ATR: variants seen among roughly 807,000 people sequenced by gnomAD.
ATR encodes ATR checkpoint kinase.
In ATR, 142 loss-of-function variants were observed where a neutral mutation model predicts 305.3. The ratio of observed to expected loss-of-function variants is 0.47; its 90% CI spans 0.41 to 0.53. The LOEUF (loss-of-function observed/expected upper bound fraction) is 0.53. ATR is among the 20% of genes least tolerant of loss of function. The pLI, the probability that ATR is intolerant of heterozygous loss-of-function variation, is 0.00. For missense variants in ATR, 2,135 were observed against 3,133.1 expected (o/e 0.68, Z 7.60); for synonymous variants, 1,050 against 1,068.1 (o/e 0.98, Z 0.33).
At chr3:142,573,871 T>C (rs1457719746) in intron 1 of ATR, among the ~76,000 whole-genome samples, 5 of 152,306 alleles carry the variant, frequency 3.3e-5, no homozygotes, top group Non-Finnish European at 4.4e-5. Context: ...GTGGCTACCA[T>C]AGTATAGGGC....
At position 142,549,508 on chromosome 3, in the gene ATR, C is replaced by A. The variant is rs772258541; in HGVS notation, c.3142G>T (p.Glu1048Ter). ...AGATAATGAAGGGCACGTTCTAATT[C>A]ATCTTTGGAACAAGAACAGACCAAA... ...SHLVCSCSKD[E>*]LERALHYLKN... Residue 1048 changes from glutamate to a stop codon, truncating the protein, a stop_gained, in exon 15 of 47, where the codon GAA becomes TAA. Coordinates refer to ENST00000350721, the MANE Select transcript of ATR (RefSeq NM_001184.4). LOFTEE classifies it high-confidence loss of function. 1 of 1,603,974 alleles carries A rather than the reference C, an allele frequency of 6.2e-7. No homozygotes were observed.
intron 29 of ATR, among the ~76,000 whole-genome samples, chr3:142,504,616 C>T (rs1385398819): frequency 1.3e-5 from 2 of 151,904 alleles, no homozygotes; most frequent in Non-Finnish European, 2.9e-5. Flanking sequence ...GCGCTCGCCA[C>T]CACACCCAGC....
At chr3:142,481,323 T>A (rs1393953987) in intron 36 of ATR, among the ~76,000 whole-genome samples, 1 of 152,262 alleles carries the variant, frequency 6.6e-6, no homozygotes, top group Non-Finnish European at 1.5e-5. Context: ...ATGGTTTTTG[T>A]CCTTCATTCT....
intron 41 of ATR, 109 bp downstream of exon 41, chr3:142,464,988 A>T (rs2071095296): frequency 1.6e-6 from 1 of 620,224 alleles, no homozygotes; most frequent in African/African-American, 1.9e-5. Flanking sequence ...TATCAGATTG[A>T]TAGTAATTAT....
At chr3:142,560,180 T>A (rs531271595) in intron 6 of ATR, 83 bp downstream of exon 6, 15 of 1,355,006 alleles carry the variant, frequency 1.1e-5, no homozygotes, top group Middle Eastern at 1.8e-4. Flanking sequence ...TAAGGTTACA[T>A]GAGTCAAGTG....
At chr3:142,528,976 C>A (rs1022007326) in intron 21 of ATR, among the ~76,000 whole-genome samples, 3 of 144,990 alleles carry the variant, frequency 2.1e-5, no homozygotes. Flanking sequence ...CTCTGCCTCC[C>A]GGGTTCAAGC....
intron 27 of ATR, among the ~76,000 whole-genome samples, chr3:142,509,223 G>A (rs577504050): frequency 5.3e-5 from 8 of 152,240 alleles, no homozygotes; most frequent in African/African-American, 1.9e-4. Flanking sequence ...CTGCAGTGCA[G>A]TGGCAAGATC....
intron 21 of ATR, among the ~76,000 whole-genome samples, chr3:142,532,136 A>T (rs1287617397): frequency 1.3e-5 from 2 of 152,156 alleles, no homozygotes; most frequent in Non-Finnish European, 2.9e-5. Flanking sequence ...CTCCCCAGTG[A>T]GATGAACCCG....
chr3:142,450,416 G>A, intron 46 of ATR: 1 of 1,584,004 alleles, frequency 6.3e-7, no homozygotes, highest in Non-Finnish European at 8.6e-7. Context: ...TCTTTCACTT[G>A]TGACAAGTTT....
In ATR at chr3:142,577,324, A is replaced by G. The variant is rs374949991; in HGVS notation, c.59+1322T>C. Among the ~76,000 whole-genome samples, 63 of 152,358 alleles carry G rather than the reference A, an allele frequency of 4.1e-4. No homozygotes were observed. In the South Asian group the frequency reaches 0.012, roughly 30 times the overall value. On this transcript the variant is annotated intron_variant, in intron 1 of 46. Transcript: ENST00000350721. ...GGAAGACAGAAGAGGGAAGAGAAGT[A>G]TTAACCAGTTAATTCTACTTTAAAG...
rs760429299 is a variant in ATR at position 142,508,107 on chromosome 3, A to G, written c.4855T>C (p.Ser1619Pro). 13 of 1,607,268 alleles carry G rather than the reference A, an allele frequency of 8.1e-6. No homozygotes were observed. Among genetic ancestry groups the G allele is most frequent in the Non-Finnish European group, 1.1e-5 (13 of 1,177,100 alleles). The change falls in exon 28 of 47, where the codon TCT becomes CCT. Residue 1619 changes from serine (S) to proline (P), a missense_variant and splice_region_variant. Physicochemically the swap from Ser to Pro is moderately conservative, Grantham distance 74. Transcript: ENST00000350721. ...SNRNKVDSMV[S>P]TVDYEDYQSV... Reference sequence around the variant, plus strand: ...TGATAGTCTTCATAATCCACAGTAGATACTAGATCATAAAAAAAGTTGAGT... The same window carrying G: ...TGATAGTCTTCATAATCCACAGTAGGTACTAGATCATAAAAAAAGTTGAGT...
intron 35 of ATR, among the ~76,000 whole-genome samples, chr3:142,489,604 C>T (rs1458667353): frequency 1.3e-5 from 2 of 152,142 alleles, no homozygotes; most frequent in Non-Finnish European, 2.9e-5. Context: ...TTCAGCATAT[C>T]TATGACATTA....
chr3:142,482,858 C>A (rs1251032216), intron 36 of ATR, among the ~76,000 whole-genome samples: 1 of 151,408 alleles, frequency 6.6e-6, no homozygotes, highest in Non-Finnish European at 1.5e-5. Flanking sequence ...AGAAGAACTG[C>A]CTTTAGTACC....
At chr3:142,514,251 C>T (rs573544232) in intron 25 of ATR, among the ~76,000 whole-genome samples, 7 of 150,224 alleles carry the variant, frequency 4.7e-5, no homozygotes, top group African/African-American at 1.7e-4. Context: ...AGTGACAGAG[C>T]GAGATTCCGT....
rs760806803 is a variant in ATR, at chr3:142,578,725, G to T, written c.-21C>A. 1.2e-6 allele frequency: 2 copies of T among 1,610,556 alleles called. No homozygotes were observed. The highest frequency in any genetic ancestry group is 1.7e-6 in the Non-Finnish European group (2 of 1,179,174). The stretch of plus-strand genomic sequence containing the variant: ...CCCATGCTGAGGCTGCGAGGCACTA[G>T]TCAACCACGCCAACGCGGGTTCCCG... On this transcript the variant is annotated 5_prime_UTR_variant, in exon 1 of 47. Transcript: ENST00000350721.
intron 36 of ATR, among the ~76,000 whole-genome samples, chr3:142,480,863 C>T (rs547618739): frequency 1.3e-5 from 2 of 152,298 alleles, no homozygotes; most frequent in African/African-American, 2.4e-5. Flanking sequence ...AGAGAGGCTC[C>T]GTGGGCATGG....
chr3:142,513,374 G>A, intron 26 of ATR, 127 bp downstream of exon 26: 1 of 1,117,556 alleles, frequency 8.9e-7, no homozygotes, highest in Non-Finnish European at 1.3e-6. Flanking sequence ...GCAAAGATAT[G>A]TAAATGAACA....
chr3:142,558,296 G>A (rs1032948528), intron 8 of ATR, among the ~76,000 whole-genome samples: 11 of 151,988 alleles, frequency 7.2e-5, no homozygotes, highest in African/African-American at 2.7e-4. Context: ...GCTGGGGCAG[G>A]TGGATCACTT....
chr3:142,541,267 G>C (rs537854754), intron 17 of ATR, among the ~76,000 whole-genome samples: 2 of 152,106 alleles, frequency 1.3e-5, no homozygotes, highest in Non-Finnish European at 2.9e-5. Context: ...TCCCTTGAAG[G>C]TGATTTGTTA....
Sources: gnomAD v4.1 joint callset for allele counts (sites outside exome capture counted in the v4.1 genomes callset) on GRCh38, gnomAD v4.1.1 for gene constraint, MANE v1.5 for transcripts, NCBI Gene and HGNC (gene_info 2026-07-23, HGNC 2026-07-21) for gene names.